Variants in TIAM2 observed in about 807,000 individuals in gnomAD.
TIAM2 encodes the protein rho guanine nucleotide exchange factor TIAM2.
In TIAM2, 80 loss-of-function variants were observed where a neutral mutation model predicts 152.9. The ratio of observed to expected loss-of-function variants is 0.52; its 90% CI spans 0.44 to 0.63. TIAM2 has a LOEUF of 0.63. TIAM2 is among the 30% of genes least tolerant of loss of function. The pLI is 0.00. For missense variants in TIAM2, 1,965 were observed against 2,120.1 expected (o/e 0.93, Z 1.44); for synonymous variants, 804 against 838.0 (o/e 0.96, Z 0.70).
chr6:155,182,998 A>G (rs975805276), intron 13 of TIAM2, among the ~76,000 whole-genome samples: 4 of 152,174 alleles, frequency 2.6e-5, no homozygotes, highest in African/African-American at 7.2e-5. Context: ...AAGTCTTGCT[A>G]TATAGCCCCA....
intron 2 of TIAM2, among the ~76,000 whole-genome samples, chr6:155,112,928 C>T (rs1778891813): frequency 6.9e-6 from 1 of 144,816 alleles, no homozygotes; most frequent in South Asian, 2.5e-4. Flanking sequence ...GGGCGCATTG[C>T]CTCTCCCCTG....
intron 19 of TIAM2, 37 bp downstream of exon 19, chr6:155,245,768 T>TTTTG (rs1345205176): frequency 2.1e-6 from 3 of 1,441,044 alleles, no homozygotes; most frequent in Non-Finnish European, 1.9e-6. Context: ...TTTTTTTTTT[T>TTTTG]TTGCATTTTT....
At chr6:155,145,433 C>G (rs1407251573) in intron 6 of TIAM2, among the ~76,000 whole-genome samples, 1 of 152,170 alleles carries the variant, frequency 6.6e-6, no homozygotes, top group African/African-American at 2.4e-5. Flanking sequence ...CCAGACTTCT[C>G]TGAGCTTTGG....
intron 1 of TIAM2, among the ~76,000 whole-genome samples, chr6:155,071,363 T>C (rs868020898): frequency 4.6e-5 from 7 of 152,332 alleles, no homozygotes; most frequent in Middle Eastern, 3.4e-3. Flanking sequence ...AGCAGCATTT[T>C]AGACTGGACT....
Position 155,175,814 on chromosome 6 carries a change from T to A in TIAM2, c.2362-1002T>A, listed in dbSNP as rs575616700. On this transcript the variant is annotated intron_variant, in intron 9 of 26. Coordinates refer to ENST00000682666, the MANE Select transcript of TIAM2 (RefSeq NM_012454.4). ...GAAGTCAGCAATTGTTGTGATGATG[T>A]AGTTGGCACACTACACTTTTTTGGG... 5.3e-5 allele frequency among the ~76,000 whole-genome samples: 8 copies of A among 152,368 alleles called. No homozygotes were observed. The South Asian group carries it at 1.7e-3, about 32-fold the overall frequency.
At chr6:155,107,321 G>A (rs1315147888) in intron 2 of TIAM2, among the ~76,000 whole-genome samples, 1 of 152,168 alleles carries the variant, frequency 6.6e-6, no homozygotes, top group African/African-American at 2.4e-5. Flanking sequence ...ACGTTGCTGT[G>A]CATAAGGGAA....
intron 14 of TIAM2, among the ~76,000 whole-genome samples, chr6:155,188,393 A>G (rs1275832801): frequency 6.6e-6 from 1 of 152,202 alleles, no homozygotes; most frequent in Non-Finnish European, 1.5e-5. Context: ...GTTCAGTATG[A>G]AGTTCCTCTG....
At chr6:155,210,302 C>T (rs567322193) in intron 14 of TIAM2, among the ~76,000 whole-genome samples, 1 of 149,406 alleles carries the variant, frequency 6.7e-6, no homozygotes, top group Non-Finnish European at 1.5e-5. Flanking sequence ...ACCCCCTCCC[C>T]TTCCTTCCCC....
intron 16 of TIAM2, among the ~76,000 whole-genome samples, chr6:155,241,646 T>A (rs925695586): frequency 6.6e-6 from 1 of 152,220 alleles, no homozygotes; most frequent in South Asian, 2.1e-4. Flanking sequence ...GGACTTCACC[T>A]AAGGCCCTAT....
At chr6:155,217,975 A>T (rs1278461112) in intron 15 of TIAM2, among the ~76,000 whole-genome samples, 9 of 152,266 alleles carry the variant, frequency 5.9e-5, no homozygotes, top group South Asian at 2.1e-4. Flanking sequence ...TGCTTTTAAG[A>T]GCTTGCCTAT....
At chr6:155,185,937 A>G (rs1288038341) in intron 14 of TIAM2, among the ~76,000 whole-genome samples, 1 of 152,114 alleles carries the variant, frequency 6.6e-6, no homozygotes, top group African/African-American at 2.4e-5. Context: ...TTCCCCAGAC[A>G]CCACAAACAG....
intron 2 of TIAM2, among the ~76,000 whole-genome samples, chr6:155,101,614 T>C (rs1263453226): frequency 6.6e-6 from 1 of 152,234 alleles, no homozygotes; most frequent in African/African-American, 2.4e-5. Flanking sequence ...GTGTTTGACC[T>C]GAGAAGTAAA....
intron 16 of TIAM2, among the ~76,000 whole-genome samples, chr6:155,243,145 A>G (rs1377451646): frequency 1.3e-5 from 2 of 152,192 alleles, no homozygotes; most frequent in Non-Finnish European, 2.9e-5. Context: ...AAGACAGCCA[A>G]ATATGGCTTA....
intron 1 of TIAM2, among the ~76,000 whole-genome samples, chr6:155,060,056 A>G (rs992164545): frequency 7.9e-5 from 12 of 152,210 alleles, no homozygotes; most frequent in Non-Finnish European, 1.5e-4. Flanking sequence ...GACTGCGGCA[A>G]TTATGGCTGT....
Position 155,182,183 on chromosome 6 carries a change from T to C in TIAM2, c.2708-43T>C, listed in dbSNP as rs1263275099. On this transcript the variant is annotated intron_variant, in intron 12 of 26. Transcript: ENST00000682666. ...CCGGTGTGGTTGGAGAAATTCAGTG[T>C]GGTGGGCTGAGACTTGCTTTTTCCT... 5.9e-6 allele frequency: 9 copies of C among 1,528,560 alleles called. No homozygotes were observed. In the South Asian group the frequency reaches 6.7e-5, roughly 11 times the overall value. The allele number at this position is 1,528,560 out of a possible 1,614,324, so 94.7% of individuals were successfully genotyped here.
chr6:155,045,606 CATAG>C (rs1777157209), intron 1 of TIAM2, among the ~76,000 whole-genome samples: 1 of 152,068 alleles, frequency 6.6e-6, no homozygotes, highest in Non-Finnish European at 1.5e-5. Flanking sequence ...TTAAGAACTC[CATAG>C]ATAAATTGGG....
chr6:155,073,159 C>CTTTTTTTT (rs34459359), intron 1 of TIAM2, among the ~76,000 whole-genome samples: 5 of 105,338 alleles, frequency 4.7e-5, no homozygotes, highest in East Asian at 2.8e-4. Context: ...TGATTAAGTT[C>CTTTTTTTT]TTTTTTTTTT....
intron 1 of TIAM2, among the ~76,000 whole-genome samples, chr6:155,063,385 G>A (rs1583173407): frequency 1.3e-5 from 2 of 151,836 alleles, no homozygotes; most frequent in Admixed American, 6.6e-5. Flanking sequence ...TGTTGTGCGT[G>A]TGTGGGTATG....
intron 4 of TIAM2, among the ~76,000 whole-genome samples, chr6:155,134,935 G>A (rs2115045387): frequency 6.6e-6 from 1 of 152,108 alleles, no homozygotes; most frequent in East Asian, 1.9e-4. Flanking sequence ...TCGATCTCCT[G>A]ACCTCATGAT....
Sources: allele counts gnomAD v4.1 joint callset (sites outside exome capture counted in the v4.1 genomes callset), GRCh38; gene constraint gnomAD v4.1.1; transcripts MANE v1.5; gene names NCBI Gene and HGNC (gene_info 2026-07-23, HGNC 2026-07-21).